Variants in NCAM2 observed in about 807,000 individuals in gnomAD.
NCAM2 encodes the protein N-CAM-2.
A neutral mutation model predicts 98.1 loss-of-function variants in NCAM2; 30 were observed. The ratio of observed to expected loss-of-function variants is 0.31; its 90% CI spans 0.23 to 0.41. The LOEUF (loss-of-function observed/expected upper bound fraction) is 0.41, where lower values mean the gene tolerates loss of function less well. NCAM2 is among the 10% of genes least tolerant of loss of function. NCAM2 has a pLI of 1.00. For synonymous variants in NCAM2, 368 were observed against 342.4 expected (o/e 1.07, Z -0.83); for missense variants, 867 against 1,005.8 (o/e 0.86, Z 1.87).
chr21:21,337,728 T>C (rs552581102), intron 7 of NCAM2, among the ~76,000 whole-genome samples: 1 of 152,160 alleles, frequency 6.6e-6, no homozygotes, highest in East Asian at 1.9e-4. Flanking sequence ...AATGCTTTTC[T>C]TTTTATACAA....
intron 16 of NCAM2, among the ~76,000 whole-genome samples, chr21:21,527,744 C>T (rs1989404976): frequency 6.6e-6 from 1 of 152,112 alleles, no homozygotes; most frequent in South Asian, 2.1e-4. Context: ...TCATTCATTG[C>T]TGATGGAAAT....
chr21:21,139,411 G>A (rs1164997114), intron 1 of NCAM2, among the ~76,000 whole-genome samples: 1 of 152,208 alleles, frequency 6.6e-6, no homozygotes, highest in Non-Finnish European at 1.5e-5. Flanking sequence ...TTCAGAAAAT[G>A]AATACAGATG....
chr21:21,186,221 G>C (rs1269622438), intron 1 of NCAM2, among the ~76,000 whole-genome samples: 1 of 152,104 alleles, frequency 6.6e-6, no homozygotes, highest in Non-Finnish European at 1.5e-5. Context: ...AAGGGTAATA[G>C]TTTTTTGTGT....
At chr21:21,043,875 G>T (rs967981257) in intron 1 of NCAM2, among the ~76,000 whole-genome samples, 3 of 141,324 alleles carry the variant, frequency 2.1e-5, no homozygotes, top group Non-Finnish European at 3.1e-5. Context: ...AAAGAAAAAA[G>T]AAAGTAGATA....
intron 1 of NCAM2, among the ~76,000 whole-genome samples, chr21:21,280,155 A>G (rs1156876439): frequency 2.4e-5 from 3 of 126,686 alleles, no homozygotes; most frequent in Non-Finnish European, 5.1e-5. Context: ...AGGTGTCTAC[A>G]TGTAGTTAAT....
chr21:21,298,162 A>T (rs1015307713), intron 5 of NCAM2, among the ~76,000 whole-genome samples: 1 of 151,840 alleles, frequency 6.6e-6, no homozygotes, highest in Non-Finnish European at 1.5e-5. Flanking sequence ...AAACTTTTCT[A>T]TTTATAAAAA....
chr21:21,255,948 T>G (rs2071651090), intron 1 of NCAM2, among the ~76,000 whole-genome samples: 2 of 152,182 alleles, frequency 1.3e-5, no homozygotes, highest in South Asian at 4.1e-4. Context: ...AGAATTATGG[T>G]AGTAACTGCC....
At chr21:21,107,861 G>C (rs1175963848) in intron 1 of NCAM2, among the ~76,000 whole-genome samples, 1 of 152,016 alleles carries the variant, frequency 6.6e-6, no homozygotes, top group African/African-American at 2.4e-5. Context: ...TATCTAGTGG[G>C]AGAAGAATTA....
intron 1 of NCAM2, among the ~76,000 whole-genome samples, chr21:21,119,517 A>AT (rs776316814): frequency 6.6e-6 from 1 of 152,108 alleles, no homozygotes; most frequent in East Asian, 1.9e-4. Context: ...CAGCTAATAT[A>AT]TTTTTGTTAT....
At chr21:21,489,163 T>C (rs1473970296) in intron 15 of NCAM2, among the ~76,000 whole-genome samples, 1 of 151,676 alleles carries the variant, frequency 6.6e-6, no homozygotes, top group Non-Finnish European at 1.5e-5. Context: ...ACCTGGCTAA[T>C]TTTGTATTTT....
chr21:21,353,068 G>T (rs1221429314), intron 8 of NCAM2, among the ~76,000 whole-genome samples: 1 of 152,034 alleles, frequency 6.6e-6, no homozygotes, highest in Non-Finnish European at 1.5e-5. Flanking sequence ...TACCATGTTG[G>T]CCAGGCTGGA....
intron 16 of NCAM2, among the ~76,000 whole-genome samples, chr21:21,532,934 A>C (rs1602577490): frequency 6.6e-6 from 1 of 152,080 alleles, no homozygotes; most frequent in East Asian, 1.9e-4. Flanking sequence ...TCTGATTTTC[A>C]GAGCTAAAAA....
intron 1 of NCAM2, among the ~76,000 whole-genome samples, chr21:21,034,729 C>T (rs1400257162): frequency 6.6e-6 from 1 of 152,084 alleles, no homozygotes; most frequent in Non-Finnish European, 1.5e-5. Flanking sequence ...ACTGGTACAC[C>T]TTAGATTTCT....
At chr21:21,334,255 C>T (rs2074794444) in intron 6 of NCAM2, among the ~76,000 whole-genome samples, 1 of 152,048 alleles carries the variant, frequency 6.6e-6, no homozygotes, top group Admixed American at 6.6e-5. Flanking sequence ...TTTTATGAAT[C>T]CTAATTTTGC....
At chr21:21,261,795 T>G (rs1037142520) in intron 1 of NCAM2, among the ~76,000 whole-genome samples, 3 of 151,764 alleles carry the variant, frequency 2.0e-5, no homozygotes, top group Non-Finnish European at 4.4e-5. Context: ...CATTGCACCT[T>G]AAGAAACTAG....
intron 14 of NCAM2, among the ~76,000 whole-genome samples, chr21:21,470,527 A>C (rs181845587): frequency 8.5e-5 from 13 of 152,182 alleles, no homozygotes; most frequent in Non-Finnish European, 1.6e-4. Flanking sequence ...AAGTTTAAAC[A>C]AGAACAAATT....
intron 1 of NCAM2, among the ~76,000 whole-genome samples, chr21:21,222,089 A>G (rs2070192542): frequency 6.6e-6 from 1 of 152,182 alleles, no homozygotes; most frequent in South Asian, 2.1e-4. Context: ...ATGACAGCAC[A>G]TAGCTTTATA....
intron 5 of NCAM2, among the ~76,000 whole-genome samples, chr21:21,313,140 G>T (rs937308775): frequency 1.4e-4 from 21 of 151,716 alleles, no homozygotes; most frequent in Non-Finnish European, 2.9e-4. Context: ...CTTGCTGGAG[G>T]TTTAATCATT....
At chr21:21,496,885 C>G (rs1043036342) in intron 15 of NCAM2, among the ~76,000 whole-genome samples, 1 of 152,010 alleles carries the variant, frequency 6.6e-6, no homozygotes, top group Non-Finnish European at 1.5e-5. Flanking sequence ...TTCCCCCTTA[C>G]CTTGTTGTAG....
Sources: gnomAD v4.1 joint callset for allele counts (sites outside exome capture counted in the v4.1 genomes callset) on GRCh38, gnomAD v4.1.1 for gene constraint, MANE v1.5 for transcripts, NCBI Gene and HGNC (gene_info 2026-07-23, HGNC 2026-07-21) for gene names.